The following GPHN variants were observed in gnomAD, a reference collection of about 807,000 sequenced individuals.
GPHN encodes the protein gephyrin.
GPHN carries 17 observed loss-of-function variants against 95.5 expected under a neutral mutation model. That is an observed-to-expected ratio of 0.18 (90% CI 0.12 to 0.27). GPHN has a LOEUF of 0.27. Ranked by LOEUF, GPHN falls within the 10% of genes least tolerant of loss-of-function variation. GPHN has a pLI of 1.00. For missense variants in GPHN, 660 were observed against 978.1 expected (o/e 0.67, Z 4.34); for synonymous variants, 320 against 322.5 (o/e 0.99, Z 0.08).
At chr14:67,164,303 T>G (rs1461866553) in intron 19 of GPHN, among the ~76,000 whole-genome samples, 1 of 151,674 alleles carries the variant, frequency 6.6e-6, no homozygotes, top group African/African-American at 2.4e-5. Context: ...ACTGTTAATT[T>G]TGTTCTAGTC....
chr14:66,922,039 T>A (rs1363498986), intron 6 of GPHN, among the ~76,000 whole-genome samples: 1 of 152,064 alleles, frequency 6.6e-6, no homozygotes, highest in Non-Finnish European at 1.5e-5. Flanking sequence ...TCCTCAACTC[T>A]CACCTTATAC....
the GPHN span, among the ~76,000 whole-genome samples, chr14:67,212,641 TTAC>T: frequency 6.9e-6 from 1 of 144,842 alleles, no homozygotes; most frequent in African/African-American, 2.5e-5. Context: ...ATAATATATA[TTAC>T]ATATATATAT....
intron 1 of GPHN, among the ~76,000 whole-genome samples, chr14:66,652,108 T>C (rs961086479): frequency 6.6e-6 from 1 of 152,138 alleles, no homozygotes; most frequent in Admixed American, 6.6e-5. Context: ...TTTCAAAAGA[T>C]TGAGTCTTTC....
chr14:66,813,911 C>T (rs962088005), intron 3 of GPHN, among the ~76,000 whole-genome samples: 1 of 152,160 alleles, frequency 6.6e-6, no homozygotes, highest in Non-Finnish European at 1.5e-5. Context: ...CACTGATGGA[C>T]CATGCCTGAC....
chr14:67,048,816 G>A (rs1307626382), intron 10 of GPHN, among the ~76,000 whole-genome samples: 1 of 152,142 alleles, frequency 6.6e-6, no homozygotes, highest in Non-Finnish European at 1.5e-5. Context: ...ATTTTCACAT[G>A]TTTTGTAATA....
the GPHN span, among the ~76,000 whole-genome samples, chr14:67,504,635 C>T: frequency 1.3e-5 from 2 of 152,024 alleles, no homozygotes; most frequent in African/African-American, 4.8e-5. Flanking sequence ...ACCTGTAATC[C>T]CAGCACTTTG....
chr14:67,433,624 A>C, the GPHN span, among the ~76,000 whole-genome samples: 1 of 152,214 alleles, frequency 6.6e-6, no homozygotes, highest in Non-Finnish European at 1.5e-5. Context: ...GAATGGACAA[A>C]ATATCAAAAA....
At chr14:67,225,040 T>C in the GPHN span, 36 of 1,337,806 alleles carry the variant, frequency 2.7e-5, no homozygotes, top group Non-Finnish European at 3.3e-5. Flanking sequence ...CCTCCTGCTT[T>C]TGGCTTTTTT....
intron 1 of GPHN, among the ~76,000 whole-genome samples, chr14:66,554,723 A>ATAT (rs2140213003): frequency 6.6e-6 from 1 of 152,326 alleles, no homozygotes; most frequent in South Asian, 2.1e-4. Context: ...TCAATTATAT[A>ATAT]GTCAGGGAAT....
chr14:66,897,562 T>G (rs2064917850), intron 5 of GPHN, among the ~76,000 whole-genome samples: 1 of 152,132 alleles, frequency 6.6e-6, no homozygotes, highest in South Asian at 2.1e-4. Flanking sequence ...ATTTCAAGAA[T>G]GAATATAATT....
the GPHN span, chr14:67,303,692 G>A: frequency 1.2e-6 from 1 of 833,960 alleles, no homozygotes; most frequent in Non-Finnish European, 2.0e-6. Flanking sequence ...ACTGTTTCCT[G>A]TACTCAAATA....
At chr14:66,716,505 G>A (rs548756587) in intron 2 of GPHN, among the ~76,000 whole-genome samples, 1 of 152,294 alleles carries the variant, frequency 6.6e-6, no homozygotes, top group East Asian at 1.9e-4. Flanking sequence ...AGTGTTAGTA[G>A]TGAGATGTGA....
chr14:67,586,890 C>T, the GPHN span: 1 of 1,526,958 alleles, frequency 6.5e-7, no homozygotes. Flanking sequence ...CCAACAGGAG[C>T]CCACACCACT....
At chr14:66,738,592 T>C (rs2072500558) in intron 2 of GPHN, among the ~76,000 whole-genome samples, 1 of 152,172 alleles carries the variant, frequency 6.6e-6, no homozygotes, top group Non-Finnish European at 1.5e-5. Flanking sequence ...AAACATTATG[T>C]TACTGTCATT....
At chr14:66,997,366 T>TA (rs34315684) in intron 9 of GPHN, among the ~76,000 whole-genome samples, 2,066 of 123,938 alleles carry the variant, frequency 0.017, 22 homozygotes, top group African/African-American at 0.024. Flanking sequence ...GACTTCGTCT[T>TA]AAAAAAAAAA....
At chr14:67,361,205 TTTAAA>T in the GPHN span, among the ~76,000 whole-genome samples, 2 of 152,220 alleles carry the variant, frequency 1.3e-5, no homozygotes, top group Admixed American at 1.3e-4. Context: ...ACTTAGGCTT[TTTAAA>T]TTTTTATTAA....
rs1851811821 is a variant in GPHN at position 67,029,362 on chromosome 14, A to T, written c.1006+5687A>T. On this transcript the variant is annotated intron_variant, in intron 10 of 22. Transcript: ENST00000478722. ...TTCTTTTTTTTTTTTTTTGAGATGG[A>T]ATTTTGCTCTTGTTGCCCAGGCTGG... is the stretch of plus-strand genomic sequence containing the variant. Among the ~76,000 whole-genome samples, 4 of 144,938 alleles carry T rather than the reference A, an allele frequency of 2.8e-5. No individual in the cohort carries two copies. In the South Asian group the frequency reaches 8.6e-4, roughly 31 times the overall value.
rs112359452 is a variant in GPHN, at chr14:66,871,810, C to G, written c.295-8129C>G. ...GGGAAGGGGAGGGAGGGTATTGGGACAAATACCTAATACATGCAGAGCTTA... is the reference window on the plus strand; with the variant it reads ...GGGAAGGGGAGGGAGGGTATTGGGAGAAATACCTAATACATGCAGAGCTTA... On this transcript the variant is annotated intron_variant, in intron 4 of 22. Coordinates refer to ENST00000478722, the MANE Select transcript of GPHN (RefSeq NM_020806.5). Among the ~76,000 whole-genome samples the G allele has an allele frequency of 1.5e-3, 230 of 152,118 alleles. 1 individual carries two copies. The highest frequency in any genetic ancestry group is 5.5e-3 in the African/African-American group (228 of 41,508).
chr14:66,972,295 A>AAAG (rs1009195182), intron 9 of GPHN, among the ~76,000 whole-genome samples: 1 of 79,478 alleles, frequency 1.3e-5, no homozygotes, highest in African/African-American at 2.1e-4. Flanking sequence ...GAAAGAAAAA[A>AAAG]AAGAAAAAAG....
Sources: allele counts gnomAD v4.1 joint callset (sites outside exome capture counted in the v4.1 genomes callset), GRCh38; gene constraint gnomAD v4.1.1; transcripts MANE v1.5; gene names NCBI Gene and HGNC (gene_info 2026-07-23, HGNC 2026-07-21).